Variants in GRIK2 observed in about 807,000 individuals in gnomAD.
GRIK2 encodes the protein glutamate ionotropic receptor kainate type subunit 2.
A neutral mutation model predicts 100.3 loss-of-function variants in GRIK2; 32 were observed. The ratio of observed to expected loss-of-function variants is 0.32; its 90% confidence interval spans 0.24 to 0.43. The LOEUF (loss-of-function observed/expected upper bound fraction) is 0.43. GRIK2 is among the 20% of genes least tolerant of loss of function. The pLI, the probability that GRIK2 is intolerant of heterozygous loss-of-function variation, is 1.00. For missense variants in GRIK2, 843 were observed against 1,114.9 expected (o/e 0.76, Z 3.47); for synonymous variants, 417 against 389.4 (o/e 1.07, Z -0.83).
At chr6:101,697,361 GTGTGTGTGT>G (rs1772566943) in intron 7 of GRIK2, among the ~76,000 whole-genome samples, 1 of 151,146 alleles carries the variant, frequency 6.6e-6, no homozygotes, top group African/African-American at 2.4e-5. Context: ...GTGTGTGTGT[GTGTGTGTGT>G]GTGTGTGTGT....
At chr6:102,056,184 CCA>C (rs986210617) in intron 16 of GRIK2, among the ~76,000 whole-genome samples, 1 of 151,572 alleles carries the variant, frequency 6.6e-6, no homozygotes, top group African/African-American at 2.4e-5. Flanking sequence ...TTTTTTTGTA[CCA>C]GAGTCCTTCT....
chr6:101,902,333 T>C (rs1787903729), intron 12 of GRIK2, among the ~76,000 whole-genome samples: 1 of 151,922 alleles, frequency 6.6e-6, no homozygotes. Context: ...GTGGAATGTA[T>C]TGACATACAA....
At chr6:101,954,372 GTCT>G (rs1307222426) in intron 14 of GRIK2, among the ~76,000 whole-genome samples, 8 of 151,982 alleles carry the variant, frequency 5.3e-5, no homozygotes, top group African/African-American at 1.9e-4. Context: ...AATTATTTAG[GTCT>G]TCTTTAATTT....
At chr6:101,956,161 G>A (rs577322731) in intron 14 of GRIK2, among the ~76,000 whole-genome samples, 15 of 151,770 alleles carry the variant, frequency 9.9e-5, no homozygotes, top group African/African-American at 2.2e-4. Context: ...AATTACTAAC[G>A]CATTTTAAAT....
intron 2 of GRIK2, among the ~76,000 whole-genome samples, chr6:101,465,495 C>T (rs1046651036): frequency 2.0e-5 from 3 of 152,152 alleles, no homozygotes; most frequent in African/African-American, 7.2e-5. Context: ...GTATGTTCCA[C>T]TTTCTTAATC....
chr6:101,466,835 G>A (rs1221316840), intron 2 of GRIK2, among the ~76,000 whole-genome samples: 2 of 152,154 alleles, frequency 1.3e-5, no homozygotes, highest in African/African-American at 4.8e-5. Context: ...ATCTAGAAAT[G>A]TTTGTTGTTG....
intron 16 of GRIK2, among the ~76,000 whole-genome samples, chr6:102,056,231 A>G (rs1456190473): frequency 1.3e-5 from 2 of 151,944 alleles, no homozygotes; most frequent in African/African-American, 4.8e-5. Context: ...TATTGAGGCT[A>G]TTGCTATATT....
At chr6:101,753,349 C>T (rs1776922879) in intron 7 of GRIK2, among the ~76,000 whole-genome samples, 1 of 150,926 alleles carries the variant, frequency 6.6e-6, no homozygotes. Flanking sequence ...ACTTTTGCTG[C>T]AATATTCCTA....
At chr6:101,620,294 A>T (rs1780095891) in intron 2 of GRIK2, 1 of 427,544 alleles carries the variant, frequency 2.3e-6, no homozygotes, top group Admixed American at 6.4e-5. Flanking sequence ...AGACACATAT[A>T]ATTATTATCC....
intron 2 of GRIK2, among the ~76,000 whole-genome samples, chr6:101,479,712 T>C (rs980812539): frequency 6.6e-6 from 1 of 152,204 alleles, no homozygotes; most frequent in African/African-American, 2.4e-5. Flanking sequence ...ATTGGGGATT[T>C]GTGCATACCA....
At chr6:101,442,608 G>A (rs1770137411) in intron 2 of GRIK2, among the ~76,000 whole-genome samples, 1 of 152,166 alleles carries the variant, frequency 6.6e-6, no homozygotes, top group Non-Finnish European at 1.5e-5. Flanking sequence ...GAGTGATGGA[G>A]GGGACAGAAC....
At chr6:101,543,316 G>A (rs1375328923) in intron 2 of GRIK2, among the ~76,000 whole-genome samples, 1 of 152,156 alleles carries the variant, frequency 6.6e-6, no homozygotes, top group Non-Finnish European at 1.5e-5. Flanking sequence ...ACTTCACTTA[G>A]TGAGGCTTTT....
Position 101,867,607 on chromosome 6 carries a change from G to A in GRIK2, c.1524+8114G>A, listed in dbSNP as rs529201804. Among the ~76,000 whole-genome samples the A allele has an allele frequency of 3.3e-5, 5 of 151,414 alleles. No homozygotes were observed. The East Asian group carries it at 5.8e-4, about 18-fold the overall frequency. On this transcript the variant is annotated intron_variant, in intron 11 of 16. Transcript: ENST00000369134. ...GAATATATATTCTGAGAAACACACA[G>A]TAACCACAGCAGTAATAATAGTTCT...
At chr6:101,817,609 C>T (rs1396400784) in intron 9 of GRIK2, among the ~76,000 whole-genome samples, 1 of 152,154 alleles carries the variant, frequency 6.6e-6, no homozygotes, top group Admixed American at 6.5e-5. Flanking sequence ...TTTGTGACAT[C>T]CTGTGCTTAC....
At chr6:101,852,674 T>C (rs926767737) in intron 10 of GRIK2, among the ~76,000 whole-genome samples, 26 of 152,292 alleles carry the variant, frequency 1.7e-4, no homozygotes, top group Admixed American at 9.8e-4. Context: ...ATAAATGCTA[T>C]GGTAAAAGTA....
intron 10 of GRIK2, among the ~76,000 whole-genome samples, chr6:101,827,901 A>C (rs1287291420): frequency 1.3e-5 from 2 of 151,952 alleles, no homozygotes; most frequent in African/African-American, 2.4e-5. Flanking sequence ...GAAATTCTGC[A>C]CTTAAATTTG....
At chr6:102,008,202 T>C (rs1263703229) in intron 14 of GRIK2, among the ~76,000 whole-genome samples, 1 of 151,708 alleles carries the variant, frequency 6.6e-6, no homozygotes, top group Non-Finnish European at 1.5e-5. Flanking sequence ...AGTGTACAAA[T>C]AGAAAGGAAC....
chr6:101,556,017 A>T (rs1482761550), intron 2 of GRIK2, among the ~76,000 whole-genome samples: 1 of 152,090 alleles, frequency 6.6e-6, no homozygotes, highest in African/African-American at 2.4e-5. Context: ...AATTTATTAC[A>T]ATCTTTAATG....
chr6:101,587,572 T>A (rs747219290), intron 2 of GRIK2, among the ~76,000 whole-genome samples: 3 of 152,090 alleles, frequency 2.0e-5, no homozygotes, highest in Non-Finnish European at 4.4e-5. Context: ...AATATATGAA[T>A]TTTCAGATTG....
Sources: allele counts gnomAD v4.1 joint callset (sites outside exome capture counted in the v4.1 genomes callset), GRCh38; gene constraint gnomAD v4.1.1; transcripts MANE v1.5; gene names NCBI Gene and HGNC (gene_info 2026-07-23, HGNC 2026-07-21).